Variants in SCYL3 observed in about 807,000 individuals in gnomAD.
SCYL3 encodes the protein SCY1 like pseudokinase 3.
SCYL3 carries 35 observed loss-of-function variants against 73.8 expected under a neutral mutation model. That is an observed-to-expected ratio of 0.47 (90% confidence interval 0.36 to 0.63). The LOEUF (loss-of-function observed/expected upper bound fraction) is 0.63, where lower values mean the gene tolerates loss of function less well. SCYL3 is among the 20% of genes least tolerant of loss of function. SCYL3 has a pLI of 0.00. For synonymous variants in SCYL3, 277 were observed against 295.2 expected, an observed-to-expected ratio of 0.94 and a Z score of 0.63; for missense variants, 712 against 798.9, an observed-to-expected ratio of 0.89 and a Z score of 1.31.
At position 169,868,913 on chromosome 1, in the gene SCYL3, A is replaced by G. The variant is rs770073621; in HGVS notation, c.737+15T>C. 6 of 1,583,306 alleles carry G rather than the reference A, an allele frequency of 3.8e-6. No individual in the cohort carries two copies. In the African/African-American group the frequency reaches 5.4e-5, roughly 14 times the overall value. On this transcript the variant is annotated intron_variant, in intron 7 of 12. Transcript: ENST00000367771. Reference sequence around the variant, plus strand: ...TTCCGGAAGCAGCTGGCGTCACCACACCAGATGCCCTCACCTGAAGAAGTC... The same window carrying G: ...TTCCGGAAGCAGCTGGCGTCACCACGCCAGATGCCCTCACCTGAAGAAGTC...
intron 11 of SCYL3, among the ~76,000 whole-genome samples, chr1:169,857,749 G>GTCA (rs1659297023): frequency 9.3e-6 from 1 of 107,410 alleles, no homozygotes; most frequent in South Asian, 3.2e-4. Flanking sequence ...ACAGTCTTGT[G>GTCA]TCACTTAACA....
In SCYL3 at chr1:169,854,604, G is replaced by C; in HGVS notation, c.1673C>G (p.Ser558Cys). 1.9e-6 allele frequency: 3 copies of C among 1,614,014 alleles called. No individual in the cohort carries two copies. The highest frequency in any genetic ancestry group is 2.5e-6 in the Non-Finnish European group (3 of 1,179,976). ...GGGTAAGCTTGATTTCCAAGGCATA[G>C]ACTCTTCAGTGAGTGAAAGCAAAGC... is the stretch of plus-strand genomic sequence containing the variant. ...IPALLSLTEE[S>C]MPWKSSLPQK... is the part of the protein sequence containing the mutation. The change falls in exon 12 of 13, where the codon TCT becomes TGT. Residue 558 changes from serine to cysteine, a missense_variant. By Grantham distance (112) the Ser-to-Cys change is moderately radical. Around this residue, in one of 2 missense-constraint regions of SCYL3, gnomAD observed 370 missense variants for 350.8 expected, o/e 1.05. Coordinates refer to ENST00000367771, the MANE Select transcript of SCYL3 (RefSeq NM_020423.7).
Position 169,854,786 on chromosome 1 carries a change from T to G in SCYL3, c.1491A>C (p.Glu497Asp). ...ACTGGGACTTGACATCATCACAAGG[T>G]TCTCTAGGCCAAATCTGTATGTTGA... ...QTVNIQIWPR[E>D]PCDDVKSQCT... Residue 497 changes from glutamate (E) to aspartate (D), a missense_variant, in exon 12 of 13, where the codon GAA (glutamate) becomes GAC (aspartate). By Grantham distance (45) the Glu-to-Asp change is conservative (BLOSUM62 2). Around this residue, in one of 2 missense-constraint regions of SCYL3, gnomAD observed 370 missense variants for 350.8 expected, o/e 1.05. Transcript: ENST00000367771. The G allele has an allele frequency of 3.7e-6, 6 of 1,613,950 alleles. No individual in the cohort carries two copies. The highest frequency in any genetic ancestry group is 5.1e-6 in the Non-Finnish European group (6 of 1,179,910).
intron 12 of SCYL3, 77 bp from the exon 13 acceptor site, chr1:169,853,849 A>G: frequency 6.5e-7 from 1 of 1,530,826 alleles, no homozygotes. Flanking sequence ...TTGAAAAAGC[A>G]GGAATTTAAA....
rs529186130 is a variant in SCYL3 at position 169,855,254 on chromosome 1, A to G, written c.1313-290T>C. ...AAACATACAGTATATTCACATAAAT[A>G]TAGAAATGCTCTAAGCCAGGCAGTG... On this transcript the variant is annotated intron_variant, in intron 11 of 12. Coordinates refer to ENST00000367771, the MANE Select transcript of SCYL3 (RefSeq NM_020423.7). Among the ~76,000 whole-genome samples, 120 of 152,354 alleles carry G rather than the reference A, an allele frequency of 7.9e-4. 1 individual carries two copies. The highest frequency in any genetic ancestry group is 2.7e-3 in the African/African-American group (113 of 41,588).
intron 5 of SCYL3, among the ~76,000 whole-genome samples, chr1:169,871,384 CTT>C (rs1228138747): frequency 1.3e-5 from 2 of 152,222 alleles, no homozygotes; most frequent in African/African-American, 2.4e-5. Flanking sequence ...GCTCTCTTCT[CTT>C]GTCTGCCACC....
Position 169,854,428 on chromosome 1 carries a change from G to T in SCYL3, c.1849C>A (p.Pro617Thr). ...ATATCAGCAAACCAATCCATCTCAGGATCTTTTACTGGCTTCTTTTTTACT... is the reference window on the plus strand; with the variant it reads ...ATATCAGCAAACCAATCCATCTCAGTATCTTTTACTGGCTTCTTTTTTACT... ...IQVKKKPVKD[P>T]EMDWFADMIP... The change falls in exon 12 of 13, where the codon CCT (proline) becomes ACT (threonine). Residue 617 changes from proline (P) to threonine (T), a missense_variant. By Grantham distance (38) the Pro-to-Thr change is conservative (BLOSUM62 -1). Around this residue, in one of 2 missense-constraint regions of SCYL3, gnomAD observed 370 missense variants for 350.8 expected, o/e 1.05. Transcript: ENST00000367771. 6.2e-7 allele frequency: 1 copy of T among 1,614,038 alleles called. No homozygotes were observed. The highest frequency in any genetic ancestry group is 1.1e-5 in the South Asian group (1 of 91,076).
In SCYL3 at chr1:169,850,083, G is replaced by A; in HGVS notation, c.*3630C>T. The stretch of plus-strand genomic sequence containing the variant: ...AATTAAAGCTTACAACACTTGTACA[G>A]AAGTTAATTTTGTATTATCCTTAGG... On this transcript the variant is annotated 3_prime_UTR_variant, in exon 13 of 13. Coordinates refer to ENST00000367771, the MANE Select transcript of SCYL3 (RefSeq NM_020423.7). The A allele has an allele frequency of 1.7e-6, 1 of 583,614 alleles. No homozygotes were observed. The highest frequency in any genetic ancestry group is 3.0e-6 in the Non-Finnish European group (1 of 328,474). 36.2% of individuals were successfully genotyped at this position (583,614 alleles called of 1,614,324 possible).
rs770485841 is a variant in SCYL3, at chr1:169,876,110, AGAAG to A, written c.352-23_352-20del. ...GGTGTCCCTGGAAAAAAAAAAGAAC[AGAAG>A]GAAGAGTGCCACTCCAGGATCTGAA... is the stretch of plus-strand genomic sequence containing the variant. On this transcript the variant is annotated intron_variant, in intron 3 of 12. Transcript: ENST00000367771. The A allele has an allele frequency of 1.4e-6, 2 of 1,442,282 alleles. No individual in the cohort carries two copies. The highest frequency in any genetic ancestry group is 1.3e-5 in the South Asian group (1 of 78,664). The allele number at this position is 1,442,282 out of a possible 1,614,324, so 89.3% of individuals were successfully genotyped here. A position where few individuals can be genotyped will look rare whatever the true frequency, so the allele number is the denominator to read the frequency against.
At chr1:169,887,371 A>C (rs1201765052) in intron 2 of SCYL3, among the ~76,000 whole-genome samples, 1 of 152,122 alleles carries the variant, frequency 6.6e-6, no homozygotes, top group African/African-American at 2.4e-5. Flanking sequence ...AGGTTATTCA[A>C]TTTTCTTGGT....
At chr1:169,876,689 C>T (rs1660839776) in intron 3 of SCYL3, among the ~76,000 whole-genome samples, 1 of 152,084 alleles carries the variant, frequency 6.6e-6, no homozygotes, top group African/African-American at 2.4e-5. Flanking sequence ...GGTGCAGTGG[C>T]TCACGCCTGT....
intron 3 of SCYL3, among the ~76,000 whole-genome samples, chr1:169,876,499 T>C (rs1400820968): frequency 6.6e-6 from 1 of 152,224 alleles, no homozygotes; most frequent in African/African-American, 2.4e-5. Context: ...ATAAAATATA[T>C]CTTTGCTCAC....
rs1662263972 is a variant in SCYL3, at chr1:169,893,802, CG to C, written c.-66del. ...CTCCCTGTTACCTGCAGGAAGGCGG[CG>C]GGGGAGGAGGCCGAGGGTCTTGGCT... On this transcript the variant is annotated 5_prime_UTR_variant, in exon 1 of 13. Coordinates refer to ENST00000367771, the MANE Select transcript of SCYL3 (RefSeq NM_020423.7). 1.3e-5 allele frequency: 2 copies of C among 152,930 alleles called. No individual in the cohort carries two copies. Among genetic ancestry groups the C allele is most frequent in the South Asian group, 2.1e-4 (1 of 4,844 alleles). The allele number at this position is 152,930 out of a possible 1,614,324, so 9.5% of individuals were successfully genotyped here.
At position 169,850,567 on chromosome 1, in the gene SCYL3, G is replaced by A. The variant is rs572271987; in HGVS notation, c.*3146C>T. On this transcript the variant is annotated 3_prime_UTR_variant, in exon 13 of 13. Transcript: ENST00000367771. ...AATCCCAGCACTTTGGGAGGCCAAG[G>A]TGGGTGGATCATGAGGTCAGGAGTT... The A allele has an allele frequency of 5.5e-5, 22 of 401,594 alleles. No homozygotes were observed. The highest frequency in any genetic ancestry group is 4.4e-4 in the African/African-American group (22 of 49,486). 24.9% of individuals were successfully genotyped at this position (401,594 alleles called of 1,614,324 possible).
intron 11 of SCYL3, among the ~76,000 whole-genome samples, chr1:169,855,507 C>G (rs1659049570): frequency 6.6e-6 from 1 of 152,188 alleles, no homozygotes; most frequent in Non-Finnish European, 1.5e-5. Flanking sequence ...TCTTTCAAAA[C>G]TATCATTCTT....
intron 5 of SCYL3, among the ~76,000 whole-genome samples, chr1:169,872,105 G>A (rs1375905949): frequency 6.6e-6 from 1 of 152,258 alleles, no homozygotes; most frequent in African/African-American, 2.4e-5. Context: ...TCCAGGGCAT[G>A]TCAGAGATCT....
chr1:169,879,965 GT>G (rs1191933718), intron 2 of SCYL3, among the ~76,000 whole-genome samples: 3 of 151,954 alleles, frequency 2.0e-5, no homozygotes, highest in Non-Finnish European at 4.4e-5. Context: ...AATAAAAAAT[GT>G]TTTAAAAAAT....
intron 2 of SCYL3, among the ~76,000 whole-genome samples, chr1:169,880,684 A>G (rs527734076): frequency 4.1e-4 from 63 of 152,196 alleles, no homozygotes; most frequent in Non-Finnish European, 7.4e-4. Flanking sequence ...AAAAAATGAT[A>G]CCAAAGGGAA....
intron 12 of SCYL3, 74 bp downstream of exon 12, chr1:169,854,196 T>C: frequency 8.7e-7 from 1 of 1,146,582 alleles, no homozygotes; most frequent in Non-Finnish European, 1.2e-6. Context: ...TTGTTATAAA[T>C]GGGATACTGC....
Sources: gnomAD v4.1 joint callset for allele counts (sites outside exome capture counted in the v4.1 genomes callset) on GRCh38, gnomAD v4.1.1 for gene constraint, gnomAD v4.1.1 regional missense constraint, MANE v1.5 for transcripts, NCBI Gene and HGNC (gene_info 2026-07-23, HGNC 2026-07-21) for gene names.